Variants in RGS6 observed in about 807,000 individuals in gnomAD.
RGS6 encodes the protein regulator of G protein signaling 6, also known as regulator of G-protein signaling 6.
A neutral mutation model predicts 78.5 loss-of-function variants in RGS6; 30 were observed. The observed-to-expected ratio is 0.38, with a 90% CI of 0.29 to 0.52. The LOEUF (loss-of-function observed/expected upper bound fraction) is 0.52, where lower values mean the gene tolerates loss of function less well. Among genes scored for constraint, RGS6 ranks in the 20% least tolerant of loss-of-function variants. RGS6 has a pLI of 0.85. For missense variants in RGS6, 495 were observed against 609.7 expected, an observed-to-expected ratio of 0.81 and a Z score of 1.98; for synonymous variants, 206 against 206.0, an observed-to-expected ratio of 1.00 and a Z score of 0.00.
the RGS6 span, among the ~76,000 whole-genome samples, chr14:72,581,859 C>T: frequency 6.6e-6 from 1 of 152,180 alleles, no homozygotes; most frequent in South Asian, 2.1e-4. Flanking sequence ...TAACAGAATA[C>T]ACAGGGCTGC....
At chr14:71,923,241 G>A in the RGS6 span, among the ~76,000 whole-genome samples, 1 of 152,214 alleles carries the variant, frequency 6.6e-6, no homozygotes, top group Non-Finnish European at 1.5e-5. Context: ...CAGCAAAGAA[G>A]GTGTGAGTAG....
the RGS6 span, among the ~76,000 whole-genome samples, chr14:72,616,924 G>T: frequency 6.6e-6 from 1 of 152,154 alleles, no homozygotes; most frequent in African/African-American, 2.4e-5. Flanking sequence ...CTTTCCAGAT[G>T]GGGAAACTGA....
intron 12 of RGS6, among the ~76,000 whole-genome samples, chr14:72,492,178 T>C (rs2096586890): frequency 6.6e-6 from 1 of 152,162 alleles, no homozygotes; most frequent in South Asian, 2.1e-4. Flanking sequence ...AAAGCATAAA[T>C]GCATTTATTT....
intron 3 of RGS6, among the ~76,000 whole-genome samples, chr14:72,395,341 T>C (rs1393406744): frequency 6.6e-6 from 1 of 152,174 alleles, no homozygotes; most frequent in Non-Finnish European, 1.5e-5. Context: ...TATATACATA[T>C]ATATGGATAC....
intron 2 of RGS6, among the ~76,000 whole-genome samples, chr14:72,350,704 C>A (rs1197876626): frequency 6.6e-6 from 1 of 152,182 alleles, no homozygotes; most frequent in South Asian, 2.1e-4. Context: ...AGAGAAATAA[C>A]CTTTGTGCTA....
intron 14 of RGS6, among the ~76,000 whole-genome samples, chr14:72,515,104 T>C (rs548244532): frequency 6.6e-6 from 1 of 152,334 alleles, no homozygotes; most frequent in East Asian, 1.9e-4. Context: ...TGCTGTTGCC[T>C]GAGAGAGACA....
At chr14:71,932,393 C>A (rs1294791683), upstream of RGS6, 1 of 151,474 alleles carries the variant, frequency 6.6e-6, no homozygotes, top group Non-Finnish European at 1.5e-5. Context: ...CATCCGACAG[C>A]GGGCGCCGCT....
chr14:72,325,421 C>A (rs775812292), intron 2 of RGS6, among the ~76,000 whole-genome samples: 4 of 152,150 alleles, frequency 2.6e-5, no homozygotes, highest in Non-Finnish European at 5.9e-5. Flanking sequence ...GTCATGAAGT[C>A]CTTGCCCATG....
chr14:72,604,115 T>C, the RGS6 span, among the ~76,000 whole-genome samples: 1 of 152,100 alleles, frequency 6.6e-6, no homozygotes, highest in African/African-American at 2.4e-5. Flanking sequence ...GGTTAAAGAC[T>C]CTGAGCCCCC....
At chr14:72,255,523 A>G (rs2056885931) in intron 2 of RGS6, among the ~76,000 whole-genome samples, 1 of 152,194 alleles carries the variant, frequency 6.6e-6, no homozygotes, top group Non-Finnish European at 1.5e-5. Context: ...TTCTAGACTG[A>G]AGTCTCTGTT....
chr14:72,268,838 T>G (rs1477063737), intron 2 of RGS6, among the ~76,000 whole-genome samples: 2 of 152,208 alleles, frequency 1.3e-5, no homozygotes, highest in African/African-American at 4.8e-5. Context: ...TGACACATTA[T>G]CCTGGTTGAA....
chr14:71,880,749 T>A, the RGS6 span, among the ~76,000 whole-genome samples: 12 of 152,224 alleles, frequency 7.9e-5, no homozygotes, highest in African/African-American at 2.9e-4. Context: ...AGGGCCCTCA[T>A]GGACAACCTC....
At chr14:72,170,800 G>A (rs2097002250) in intron 2 of RGS6, among the ~76,000 whole-genome samples, 2 of 152,170 alleles carry the variant, frequency 1.3e-5, no homozygotes. Context: ...TTAAAGATTA[G>A]CCTCTAAGGT....
At chr14:72,177,403 C>T (rs1310074199) in intron 2 of RGS6, among the ~76,000 whole-genome samples, 2 of 152,152 alleles carry the variant, frequency 1.3e-5, no homozygotes, top group African/African-American at 2.4e-5. Flanking sequence ...AAGTAGATGG[C>T]TTGTGCTGGT....
intron 3 of RGS6, among the ~76,000 whole-genome samples, chr14:72,443,810 C>T (rs942225640): frequency 6.6e-6 from 1 of 152,146 alleles, no homozygotes; most frequent in Non-Finnish European, 1.5e-5. Flanking sequence ...TCACTTCTCT[C>T]CCAAAGCTGC....
At position 72,244,779 on chromosome 14, in the gene RGS6, A is replaced by G. The variant is rs576184886; in HGVS notation, c.85-107316A>G. ...ATTGGCCCCAGGCAATAAGAGGTGCATTGTCTGCAAAAGTCTTAAAACAAT... is the reference window on the plus strand; with the variant it reads ...ATTGGCCCCAGGCAATAAGAGGTGCGTTGTCTGCAAAAGTCTTAAAACAAT... On this transcript the variant is annotated intron_variant, in intron 2 of 17. Coordinates refer to ENST00000553525, the MANE Select transcript of RGS6 (RefSeq NM_001204424.2). Among the ~76,000 whole-genome samples, 3 of 152,106 alleles carry G rather than the reference A, an allele frequency of 2.0e-5. No homozygotes were observed. In the South Asian group the frequency reaches 6.2e-4, roughly 32 times the overall value.
rs1290076375 is a variant in RGS6 at position 72,157,543 on chromosome 14, T to A, written c.84+192668T>A. ...CCAGGTTTCCTTCTCCACAATTCTG[T>A]GGGCGTGTACTGCTGTGATAAGATG... On this transcript the variant is annotated intron_variant, in intron 2 of 17. Transcript: ENST00000553525. Among the ~76,000 whole-genome samples the A allele has an allele frequency of 9.9e-5, 15 of 152,216 alleles. No homozygotes were observed. The South Asian group carries it at 2.5e-3, about 25-fold the overall frequency.
intron 2 of RGS6, among the ~76,000 whole-genome samples, chr14:72,057,241 G>A (rs1440577739): frequency 6.8e-6 from 1 of 146,988 alleles, no homozygotes; most frequent in Non-Finnish European, 1.5e-5. Flanking sequence ...TTGAACCTGG[G>A]AGGCAGAGGT....
In RGS6 at chr14:72,272,146, A is replaced by G. The variant is rs569967968; in HGVS notation, c.85-79949A>G. 1.3e-4 allele frequency among the ~76,000 whole-genome samples: 20 copies of G among 152,226 alleles called. No homozygotes were observed. In the East Asian group the frequency reaches 3.9e-3, roughly 29 times the overall value. On this transcript the variant is annotated intron_variant, in intron 2 of 17. Transcript: ENST00000553525. ...GGGGAAATTATTCTTCCTACCACCA[A>G]CCCTCATCCATCTCTAAAGGCACTG...
Sources: gnomAD v4.1 joint callset for allele counts (sites outside exome capture counted in the v4.1 genomes callset) on GRCh38, gnomAD v4.1.1 for gene constraint, MANE v1.5 for transcripts, NCBI Gene and HGNC (gene_info 2026-07-23, HGNC 2026-07-21) for gene names.